B3GALT1: variants seen among roughly 807,000 people sequenced by gnomAD.
B3GALT1 encodes the protein beta-1,3-galactosyltransferase 1.
A neutral mutation model predicts 23.2 loss-of-function variants in B3GALT1; 10 were observed. The observed-to-expected ratio is 0.43, with a 90% CI of 0.27 to 0.73. The LOEUF (loss-of-function observed/expected upper bound fraction) is 0.73. B3GALT1 is among the 30% of genes least tolerant of loss of function. The pLI is 0.21. For missense variants in B3GALT1, 299 were observed against 405.4 expected (o/e 0.74, Z 2.25); for synonymous variants, 156 against 141.5 (o/e 1.10, Z -0.73).
chr2:167,455,428 G>A (rs1276557228), intron 1 of B3GALT1, among the ~76,000 whole-genome samples: 9 of 152,072 alleles, frequency 5.9e-5, no homozygotes, highest in Admixed American at 5.9e-4. Context: ...TTAAGGAAGG[G>A]GAGTAAAATA....
chr2:167,315,531 C>T (rs1213264999), intron 1 of B3GALT1, among the ~76,000 whole-genome samples: 5 of 152,096 alleles, frequency 3.3e-5, no homozygotes, highest in Admixed American at 1.3e-4. Context: ...CTTCCCTGCT[C>T]ATCACAGTTC....
chr2:167,864,743 A>G (rs1690176573), intron 4 of B3GALT1, among the ~76,000 whole-genome samples: 1 of 152,076 alleles, frequency 6.6e-6, no homozygotes, highest in Admixed American at 6.5e-5. Flanking sequence ...AAGCTACTGA[A>G]TGTTTCTGAG....
chr2:167,845,967 G>T (rs1471330649), intron 4 of B3GALT1, among the ~76,000 whole-genome samples: 3 of 152,144 alleles, frequency 2.0e-5, no homozygotes, highest in Non-Finnish European at 4.4e-5. Context: ...GCTCTGGAAA[G>T]TGTCACCAAT....
chr2:167,634,192 C>A (rs976070816), intron 2 of B3GALT1, among the ~76,000 whole-genome samples: 11 of 151,978 alleles, frequency 7.2e-5, no homozygotes, highest in African/African-American at 2.7e-4. Context: ...TGGGACACAG[C>A]TAAAGCAGTG....
At chr2:167,561,398 A>G (rs542142700) in intron 2 of B3GALT1, among the ~76,000 whole-genome samples, 95 of 152,310 alleles carry the variant, frequency 6.2e-4, no homozygotes, top group African/African-American at 2.0e-3. Flanking sequence ...TAAAAGAGCT[A>G]GAAAAGCAAG....
intron 2 of B3GALT1, among the ~76,000 whole-genome samples, chr2:167,626,202 G>A (rs1685341464): frequency 6.6e-6 from 1 of 151,250 alleles, no homozygotes; most frequent in Admixed American, 6.6e-5. Flanking sequence ...GTGGACCTTA[G>A]CCATATCAAG....
chr2:167,479,239 G>A (rs1194324241), intron 1 of B3GALT1, among the ~76,000 whole-genome samples: 2 of 152,202 alleles, frequency 1.3e-5, no homozygotes, highest in Non-Finnish European at 1.5e-5. Flanking sequence ...AGGTGGTACA[G>A]GCAAAGGTTT....
At chr2:167,554,960 A>G (rs1683817121) in intron 2 of B3GALT1, among the ~76,000 whole-genome samples, 1 of 152,186 alleles carries the variant, frequency 6.6e-6, no homozygotes. Flanking sequence ...GTGAAATATA[A>G]GGTAAGAAGG....
chr2:167,815,943 C>T (rs1170587890), intron 3 of B3GALT1, among the ~76,000 whole-genome samples: 1 of 152,174 alleles, frequency 6.6e-6, no homozygotes, highest in Non-Finnish European at 1.5e-5. Flanking sequence ...TGAACAAATT[C>T]ATTTCTACTT....
intron 4 of B3GALT1, among the ~76,000 whole-genome samples, chr2:167,839,888 ATCT>A: frequency 6.6e-6 from 1 of 152,136 alleles, no homozygotes. Context: ...ATCTGCAACT[ATCT>A]GATCTTTGAC....
chr2:167,307,706 C>T (rs1305190859), intron 1 of B3GALT1, among the ~76,000 whole-genome samples: 1 of 151,954 alleles, frequency 6.6e-6, no homozygotes, highest in African/African-American at 2.4e-5. Context: ...TGCTGAGCCT[C>T]TTTCTTTTTC....
At chr2:167,685,660 CAGAG>C (rs529650211) in intron 3 of B3GALT1, among the ~76,000 whole-genome samples, 2 of 152,036 alleles carry the variant, frequency 1.3e-5, no homozygotes, top group African/African-American at 4.8e-5. Flanking sequence ...GAATATGAGT[CAGAG>C]AGAGAGCAGG....
intron 3 of B3GALT1, among the ~76,000 whole-genome samples, chr2:167,718,965 G>T (rs1229956639): frequency 6.6e-6 from 1 of 152,190 alleles, no homozygotes; most frequent in Non-Finnish European, 1.5e-5. Flanking sequence ...GCTGTTAATA[G>T]GTAGATAGGA....
chr2:167,565,486 C>G (rs1684141247), intron 2 of B3GALT1, among the ~76,000 whole-genome samples: 1 of 152,138 alleles, frequency 6.6e-6, no homozygotes, highest in African/African-American at 2.4e-5. Context: ...GCAGTGGCAA[C>G]AAAAGCCAAA....
At chr2:167,516,558 A>G (rs939290848) in intron 2 of B3GALT1, among the ~76,000 whole-genome samples, 1 of 152,068 alleles carries the variant, frequency 6.6e-6, no homozygotes, top group Non-Finnish European at 1.5e-5. Context: ...TAAACTCTAT[A>G]GGCCTCTATA....
intron 3 of B3GALT1, among the ~76,000 whole-genome samples, chr2:167,756,180 A>G (rs1351258466): frequency 6.7e-6 from 1 of 148,878 alleles, no homozygotes; most frequent in African/African-American, 2.4e-5. Context: ...CCCGCCCCCC[A>G]GGATGCTTCT....
At chr2:167,867,161 C>A (rs370266078) in intron 4 of B3GALT1, among the ~76,000 whole-genome samples, 1 of 152,150 alleles carries the variant, frequency 6.6e-6, no homozygotes, top group East Asian at 1.9e-4. Context: ...CTCCTGACCT[C>A]GTGATCCGCC....
intron 3 of B3GALT1, among the ~76,000 whole-genome samples, chr2:167,707,585 T>C (rs1319650990): frequency 6.6e-6 from 1 of 151,974 alleles, no homozygotes; most frequent in East Asian, 1.9e-4. Context: ...AAACCAGAAA[T>C]GGTGGAGTCC....
rs537984678 is a variant in B3GALT1 at position 167,353,666 on chromosome 2, T to C, written c.-511+60332T>C. ...TGTATCATTGCAGAATCCTAGTATG[T>C]TAGACAAATAACAGTATAAAATTTA... On this transcript the variant is annotated intron_variant, in intron 1 of 4. Transcript: ENST00000392690. Among the ~76,000 whole-genome samples, 46 of 152,270 alleles carry C rather than the reference T, an allele frequency of 3.0e-4. 1 individual carries two copies. In the South Asian group the frequency reaches 6.8e-3, roughly 23 times the overall value.
Sources: gnomAD v4.1 joint callset for allele counts (sites outside exome capture counted in the v4.1 genomes callset) on GRCh38, gnomAD v4.1.1 for gene constraint, MANE v1.5 for transcripts, NCBI Gene and HGNC (gene_info 2026-07-23, HGNC 2026-07-21) for gene names.